Variants in PRKD2 observed in about 807,000 individuals in gnomAD.
PRKD2 encodes the protein serine/threonine-protein kinase D2.
In PRKD2, 22 loss-of-function variants were observed where a neutral mutation model predicts 86.0. The observed-to-expected ratio is 0.26, with a 90% CI of 0.18 to 0.37. The LOEUF is 0.37. PRKD2 is among the 10% of genes least tolerant of loss of function. The pLI is 1.00. For missense variants in PRKD2, 818 were observed against 1,199.2 expected (o/e 0.68, Z 4.70); for synonymous variants, 509 against 510.9 (o/e 1.00, Z 0.05).
In PRKD2 at chr19:46,716,548, G is replaced by A. The variant is rs1287836899; in HGVS notation, c.-178C>T. On this transcript the variant is annotated 5_prime_UTR_variant, in exon 1 of 18. Transcript: ENST00000291281. The surrounding 1 kb of genome is among the most constrained non-coding windows in gnomAD (Gnocchi z 7.9). ...GGATGGCGGGGTCCTGGGAAGGAGA[G>A]AAAGGCACTATAGTGGGTCAGAGGC... The A allele has an allele frequency of 2.0e-6, 1 of 490,486 alleles. No homozygotes were observed. The highest frequency in any genetic ancestry group is 3.5e-5 in the East Asian group (1 of 28,472). 30.4% of individuals were successfully genotyped at this position (490,486 alleles called of 1,614,324 possible). A position where few individuals can be genotyped will look rare whatever the true frequency, so the allele number is the denominator to read the frequency against.
In PRKD2 at chr19:46,678,803, G is replaced by T; in HGVS notation, c.2071-140C>A. On this transcript the variant is annotated intron_variant, in intron 15 of 17. Coordinates refer to ENST00000291281, the MANE Select transcript of PRKD2 (RefSeq NM_016457.5). The surrounding 1 kb of genome is among the most constrained non-coding windows in gnomAD (Gnocchi z 5.7). ...CCAGGCTCCTTGGCTCACTAGCTGA[G>T]CAACCCTGGGCAGGTGACTTCCCCC... is the stretch of plus-strand genomic sequence containing the variant. The T allele has an allele frequency of 1.0e-6, 1 of 1,000,248 alleles. No individual in the cohort carries two copies. Among genetic ancestry groups the T allele is most frequent in the Non-Finnish European group, 1.4e-6 (1 of 699,700 alleles). 62.0% of individuals were successfully genotyped at this position (1,000,248 alleles called of 1,614,324 possible).
chr19:46,680,271 T>A (rs1430378749), intron 15 of PRKD2, among the ~76,000 whole-genome samples: 3 of 152,116 alleles, frequency 2.0e-5, no homozygotes, highest in Admixed American at 6.6e-5. Context: ...TTCCTATGGA[T>A]CTTTTTTAAA....
intron 13 of PRKD2, 81 bp downstream of exon 13, chr19:46,690,519 A>G (rs1433246390): frequency 7.8e-7 from 1 of 1,285,088 alleles, no homozygotes; most frequent in Non-Finnish European, 1.1e-6. Context: ...TCCCCCAGGA[A>G]GCCTTCCCTG....
intron 3 of PRKD2, among the ~76,000 whole-genome samples, chr19:46,705,224 T>C (rs425105): frequency 0.15 from 23,189 of 151,334 alleles, 1,826 homozygotes; most frequent in East Asian, 0.2. Context: ...GCCCCAGTCC[T>C]CTATGGTAAG....
At chr19:46,697,623 C>A in intron 8 of PRKD2, 110 bp downstream of exon 8, 1 of 986,874 alleles carries the variant, frequency 1.0e-6, no homozygotes, top group Non-Finnish European at 1.5e-6. Context: ...CACTACTGGC[C>A]CCGCTCGCGC....
At chr19:46,686,313 A>C (rs1412418079) in intron 14 of PRKD2, 4 of 151,856 alleles carry the variant, frequency 2.6e-5, no homozygotes, top group African/African-American at 4.8e-5. Context: ...GAGACCCAAC[A>C]TGGCAAGACC....
At chr19:46,684,962 C>CA (rs113835407) in intron 14 of PRKD2, among the ~76,000 whole-genome samples, 79,710 of 133,400 alleles carry the variant, frequency 0.6, 22,526 homozygotes, top group Admixed American at 0.64. Context: ...GACTCCATCT[C>CA]AAAAAAAAAA....
intron 10 of PRKD2, among the ~76,000 whole-genome samples, chr19:46,692,902 T>C (rs1303326463): frequency 6.6e-6 from 1 of 152,158 alleles, no homozygotes; most frequent in East Asian, 1.9e-4. Flanking sequence ...AGGACCAAGT[T>C]GGATTACTCT....
rs775954069 is a variant in PRKD2 at position 46,689,690 on chromosome 19, C to G, written c.1818G>C (p.Arg606=). Reference sequence around the variant, plus strand: ...ACTCCAGGTTCACGATCCCGGGATGCCGCAGGCTCTGCAGGGTGGGGAGCG... The same window carrying G: ...ACTCCAGGTTCACGATCCCGGGATGGCGCAGGCTCTGCAGGGTGGGGAGCG... ...RNEVAILQSL[R]HPGIVNLECM... The change falls in exon 14 of 18, where the codon CGG becomes CGC. Residue 606 remains arginine, a synonymous_variant. Transcript: ENST00000291281. 1 of 1,614,028 alleles carries G rather than the reference C, an allele frequency of 6.2e-7. No homozygotes were observed. Among genetic ancestry groups the G allele is most frequent in the Non-Finnish European group, 8.5e-7 (1 of 1,179,944 alleles).
At chr19:46,701,614 A>C (rs2053636240) in intron 5 of PRKD2, among the ~76,000 whole-genome samples, 1 of 151,488 alleles carries the variant, frequency 6.6e-6, no homozygotes, top group Admixed American at 6.6e-5. Flanking sequence ...TGGCCTCCTA[A>C]AAGTGCTGGG....
Position 46,690,590 on chromosome 19 carries a change from T to C in PRKD2, c.1809+10A>G. 1 of 1,613,744 alleles carries C rather than the reference T, an allele frequency of 6.2e-7. No homozygotes were observed. Among genetic ancestry groups the C allele is most frequent in the Non-Finnish European group, 8.5e-7 (1 of 1,179,632 alleles). ...GAAGAAGCAGAAAGGGAAGGCGGCC[T>C]GGTGGTTACCTGCAGAATGGCCACT... On this transcript the variant is annotated intron_variant, in intron 13 of 17. Coordinates refer to ENST00000291281, the MANE Select transcript of PRKD2 (RefSeq NM_016457.5).
chr19:46,701,186 T>C (rs1399106587), intron 5 of PRKD2, 74 bp from the exon 6 acceptor site: 3 of 1,472,286 alleles, frequency 2.0e-6, no homozygotes, highest in Non-Finnish European at 2.8e-6. Context: ...ACCTTGACCC[T>C]AAGCCTCAGG....
At chr19:46,680,808 G>A (rs890279587) in intron 15 of PRKD2, among the ~76,000 whole-genome samples, 2 of 143,844 alleles carry the variant, frequency 1.4e-5, no homozygotes, top group African/African-American at 2.6e-5. Flanking sequence ...GTCTCAAGCC[G>A]TCTTCCCATC....
chr19:46,715,990 G>T, intron 1 of PRKD2, 141 bp downstream of exon 1: 1 of 1,317,782 alleles, frequency 7.6e-7, no homozygotes, highest in Non-Finnish European at 1.0e-6. Context: ...CAATGGAGGG[G>T]GGCAATGCCC....
At chr19:46,700,524 C>T (rs140970739) in intron 7 of PRKD2, among the ~76,000 whole-genome samples, 245 of 152,028 alleles carry the variant, frequency 1.6e-3, no homozygotes, top group African/African-American at 5.7e-3. Context: ...CCCAGCTACT[C>T]GAGAGGCTAA....
At chr19:46,708,467 A>G (rs2053750394) in intron 3 of PRKD2, among the ~76,000 whole-genome samples, 1 of 151,800 alleles carries the variant, frequency 6.6e-6, no homozygotes, top group South Asian at 2.1e-4. Context: ...AGAGGTATGC[A>G]CCACCATGCC....
Position 46,678,625 on chromosome 19 carries a change from G to C in PRKD2, c.2109C>G (p.Gly703=). The stretch of plus-strand genomic sequence containing the variant: ...CCACTGAGCGGCGGAACGACTTCTC[G>C]CCGATGATGCGAGCAAAGCCAAAGT... ...LCDFGFARII[G]EKSFRRSVVG... The change falls in exon 16 of 18, where the codon GGC becomes GGG. Residue 703 remains glycine (G), a synonymous_variant. Coordinates refer to ENST00000291281, the MANE Select transcript of PRKD2 (RefSeq NM_016457.5). The surrounding 1 kb of genome is among the most constrained non-coding windows in gnomAD (Gnocchi z 5.7). 1 of 1,609,780 alleles carries C rather than the reference G, an allele frequency of 6.2e-7. No homozygotes were observed. The highest frequency in any genetic ancestry group is 8.5e-7 in the Non-Finnish European group (1 of 1,179,982).
intron 8 of PRKD2, 169 bp from the exon 9 acceptor site, chr19:46,697,403 CGCCCCTAGCCTTAACCCTAGCCCA>C: frequency 1.7e-6 from 1 of 603,400 alleles, no homozygotes; most frequent in Non-Finnish European, 2.9e-6. Context: ...ACCCCAGCCC[CGCCCCTAGCCTTAACCCTAGCCCA>C]GCCCCCACGC....
At chr19:46,710,391 T>G (rs1377724652) in intron 3 of PRKD2, 1 of 153,962 alleles carries the variant, frequency 6.5e-6, no homozygotes, top group Non-Finnish European at 1.4e-5. Context: ...TCTTGCTATG[T>G]TGCCCAGGCT....
Sources: allele counts gnomAD v4.1 joint callset (sites outside exome capture counted in the v4.1 genomes callset), GRCh38; gene constraint gnomAD v4.1.1; non-coding constraint Gnocchi (gnomAD v3.1); transcripts MANE v1.5; gene names NCBI Gene and HGNC (gene_info 2026-07-23, HGNC 2026-07-21).